ELP3: variants seen among roughly 807,000 people sequenced by gnomAD.
ELP3 encodes elongator acetyltransferase complex subunit 3.
ELP3 carries 56 observed loss-of-function variants against 74.9 expected under a neutral mutation model. The observed-to-expected ratio is 0.75, with a 90% CI of 0.60 to 0.93. ELP3 has a LOEUF of 0.93. ELP3 is among the 40% of genes least tolerant of loss of function. The probability of loss-of-function intolerance (pLI) is 0.00; values close to 1 mark genes in which losing one functional copy is unlikely to be tolerated. For synonymous variants in ELP3, 222 were observed against 239.8 expected, an observed-to-expected ratio of 0.93 and a Z score of 0.68; for missense variants, 573 against 686.5, an observed-to-expected ratio of 0.83 and a Z score of 1.85.
chr8:28,126,028 C>T (rs201811737), intron 7 of ELP3, among the ~76,000 whole-genome samples: 16 of 151,892 alleles, frequency 1.1e-4, no homozygotes, highest in Admixed American at 5.2e-4. Context: ...TTTTAATCAA[C>T]GGAGAATTTT....
At chr8:28,135,655 C>T (rs748414973) in intron 9 of ELP3, among the ~76,000 whole-genome samples, 10 of 152,302 alleles carry the variant, frequency 6.6e-5, no homozygotes, top group East Asian at 1.9e-4. Context: ...TAAGGGTTAA[C>T]GGATAATTCC....
intron 14 of ELP3, among the ~76,000 whole-genome samples, chr8:28,184,876 T>C (rs116645844): frequency 1.4e-3 from 214 of 151,718 alleles, no homozygotes; most frequent in African/African-American, 4.9e-3. Flanking sequence ...AGCTCGAAAC[T>C]CAGAAGTCTC....
upstream of ELP3, chr8:28,090,482 G>GT (rs1554492430): frequency 0.024 from 3,798 of 160,136 alleles, 79 homozygotes; most frequent in African/African-American, 0.063. Context: ...CTGATGGGTG[G>GT]GTGTGTGTGT....
At chr8:28,154,101 G>C (rs1051524310) in intron 10 of ELP3, among the ~76,000 whole-genome samples, 2 of 152,204 alleles carry the variant, frequency 1.3e-5, no homozygotes, top group Non-Finnish European at 2.9e-5. Flanking sequence ...TGTTAGGTAA[G>C]CTGCTTTGAG....
chr8:28,130,637 A>G (rs546618632), intron 8 of ELP3, among the ~76,000 whole-genome samples: 1 of 152,348 alleles, frequency 6.6e-6, no homozygotes, highest in African/African-American at 2.4e-5. Flanking sequence ...GGAGTGCTGT[A>G]GCCTTCAAGG....
chr8:28,124,866 C>T (rs1440753473), intron 7 of ELP3, among the ~76,000 whole-genome samples: 1 of 152,112 alleles, frequency 6.6e-6, no homozygotes, highest in Admixed American at 6.6e-5. Flanking sequence ...AAAATTCTGT[C>T]GTTACTTCAT....
At chr8:28,093,320 G>A (rs1811118776) in intron 1 of ELP3, 87 bp downstream of exon 1, 33 of 1,553,710 alleles carry the variant, frequency 2.1e-5, no homozygotes, top group Non-Finnish European at 2.9e-5. Flanking sequence ...AACTTTTACC[G>A]CGAGAATCCG....
At chr8:28,174,304 G>A (rs1449954452) in intron 14 of ELP3, among the ~76,000 whole-genome samples, 3 of 151,956 alleles carry the variant, frequency 2.0e-5, no homozygotes, top group Non-Finnish European at 4.4e-5. Flanking sequence ...GTTGATAATT[G>A]TATAAATCTT....
chr8:28,107,900 G>A lies in ELP3; in HGVS notation c.330-13G>A, dbSNP rs1811759718. The A allele has an allele frequency of 6.2e-7, 1 of 1,612,572 alleles. No homozygotes were observed. Among genetic ancestry groups the A allele is most frequent in the Non-Finnish European group, 8.5e-7 (1 of 1,179,076 alleles). The stretch of plus-strand genomic sequence containing the variant: ...TTGCATCTGACATTCTTGTTCTTTT[G>A]TTGTACTGGCAGATACTGCCCTGGT... On this transcript the variant is annotated splice_polypyrimidine_tract_variant and intron_variant, in intron 4 of 14. Coordinates refer to ENST00000256398, the MANE Select transcript of ELP3 (RefSeq NM_018091.6).
chr8:28,186,487 C>T (rs1032098889), intron 14 of ELP3, among the ~76,000 whole-genome samples: 3 of 152,210 alleles, frequency 2.0e-5, no homozygotes, highest in Non-Finnish European at 4.4e-5. Context: ...CAACTGCCCC[C>T]GTCCGAAATT....
At chr8:28,156,646 T>C (rs542286635) in intron 11 of ELP3, among the ~76,000 whole-genome samples, 5 of 152,296 alleles carry the variant, frequency 3.3e-5, no homozygotes, top group South Asian at 4.1e-4. Flanking sequence ...AGGAGTGGTG[T>C]TGAGACCAAG....
At chr8:28,109,941 T>A (rs1161097017) in intron 5 of ELP3, among the ~76,000 whole-genome samples, 1 of 152,256 alleles carries the variant, frequency 6.6e-6, no homozygotes, top group Admixed American at 6.5e-5. Context: ...GAACATTTTA[T>A]GTCAGTACAT....
intron 14 of ELP3, among the ~76,000 whole-genome samples, chr8:28,175,397 C>G (rs1200111805): frequency 6.6e-6 from 1 of 152,156 alleles, no homozygotes; most frequent in Admixed American, 6.5e-5. Flanking sequence ...GCTGCCTCCT[C>G]TTAACTGCCA....
intron 14 of ELP3, among the ~76,000 whole-genome samples, chr8:28,166,342 C>T (rs1191178946): frequency 3.9e-5 from 6 of 152,100 alleles, no homozygotes; most frequent in Non-Finnish European, 5.9e-5. Context: ...TATTTTTTTA[C>T]ATATAAAAAT....
chr8:28,140,420 A>T (rs1269911696), intron 10 of ELP3, among the ~76,000 whole-genome samples: 7 of 152,224 alleles, frequency 4.6e-5, no homozygotes, highest in African/African-American at 1.4e-4. Flanking sequence ...CCTAATTAAT[A>T]AATTGTAAGT....
chr8:28,151,967 G>C (rs1404541342), intron 10 of ELP3, among the ~76,000 whole-genome samples: 7 of 152,310 alleles, frequency 4.6e-5, no homozygotes, highest in African/African-American at 7.2e-5. Flanking sequence ...AGACTTGTCT[G>C]AGCCTCCAGC....
chr8:28,132,851 TG>T (rs2130465818), intron 9 of ELP3, among the ~76,000 whole-genome samples: 1 of 152,332 alleles, frequency 6.6e-6, no homozygotes, highest in Non-Finnish European at 1.5e-5. Context: ...TAAGATATAC[TG>T]GTTTTTTAAT....
chr8:28,140,154 G>GTGTGTT (rs1418094268), intron 10 of ELP3, among the ~76,000 whole-genome samples: 15 of 136,552 alleles, frequency 1.1e-4, no homozygotes, highest in Non-Finnish European at 1.1e-4. Context: ...GTGTGTGTGT[G>GTGTGTT]TTTTATAGCA....
At chr8:28,149,836 C>T (rs1260624351) in intron 10 of ELP3, among the ~76,000 whole-genome samples, 3 of 152,260 alleles carry the variant, frequency 2.0e-5, no homozygotes, top group Non-Finnish European at 2.9e-5. Context: ...TTGCTGCCCT[C>T]GTTCTTTGTT....
Sources: gnomAD v4.1 joint callset for allele counts (sites outside exome capture counted in the v4.1 genomes callset) on GRCh38, gnomAD v4.1.1 for gene constraint, MANE v1.5 for transcripts, NCBI Gene and HGNC (gene_info 2026-07-23, HGNC 2026-07-21) for gene names.